Variants in CACNA2D2 observed in about 807,000 individuals in gnomAD.
CACNA2D2 encodes voltage-dependent calcium channel subunit alpha-2/delta-2.
Under a neutral mutation model 166.4 loss-of-function variants are expected in CACNA2D2, and 48 were observed. The ratio of observed to expected loss-of-function variants is 0.29; its 90% CI spans 0.23 to 0.37. The LOEUF is 0.37. CACNA2D2 is among the 10% of genes least tolerant of loss of function. The pLI is 1.00. For synonymous variants in CACNA2D2, 561 were observed against 573.7 expected (o/e 0.98, Z 0.32); for missense variants, 1,122 against 1,433.0 (o/e 0.78, Z 3.50).
At chr3:50,478,872 T>C (rs1697917173) in intron 1 of CACNA2D2, among the ~76,000 whole-genome samples, 2 of 152,184 alleles carry the variant, frequency 1.3e-5, no homozygotes, top group Non-Finnish European at 2.9e-5. Flanking sequence ...ACCATGTTTT[T>C]CCCCCTGGAG....
At chr3:50,470,876 C>T (rs1019979165) in intron 2 of CACNA2D2, among the ~76,000 whole-genome samples, 9 of 152,144 alleles carry the variant, frequency 5.9e-5, no homozygotes, top group South Asian at 4.1e-4. Flanking sequence ...GGCCTCACCA[C>T]GTCTCAGACG....
rs1425363611 is a variant in CACNA2D2 at position 50,366,189 on chromosome 3, G to A, written c.2710-26C>T. 1 of 1,613,816 alleles carries A rather than the reference G, an allele frequency of 6.2e-7. No individual in the cohort carries two copies. Among genetic ancestry groups the A allele is most frequent in the Non-Finnish European group, 8.5e-7 (1 of 1,179,930 alleles). Reference sequence around the variant, plus strand: ...CTGAGGATGTCAGGAGAAAGCCATGGTCACAGGGCTGGCAGTGCTACACCC... The same window carrying A: ...CTGAGGATGTCAGGAGAAAGCCATGATCACAGGGCTGGCAGTGCTACACCC... On this transcript the variant is annotated intron_variant, in intron 31 of 37. Transcript: ENST00000424201. This position sits in a 1 kb window ranked among gnomAD's most constrained non-coding sequence, Gnocchi z 5.9.
intron 2 of CACNA2D2, among the ~76,000 whole-genome samples, chr3:50,460,968 T>C (rs998722189): frequency 2.6e-5 from 4 of 151,760 alleles, no homozygotes; most frequent in Non-Finnish European, 5.9e-5. Flanking sequence ...AAATGGAATA[T>C]TGGAGACAAA....
At chr3:50,446,346 T>C (rs1708847230) in intron 2 of CACNA2D2, among the ~76,000 whole-genome samples, 1 of 152,240 alleles carries the variant, frequency 6.6e-6, no homozygotes, top group African/African-American at 2.4e-5. Context: ...CAGATGTCCT[T>C]ATTTTACAGA....
At chr3:50,454,931 A>G (rs1709282271) in intron 2 of CACNA2D2, among the ~76,000 whole-genome samples, 1 of 152,122 alleles carries the variant, frequency 6.6e-6, no homozygotes, top group African/African-American at 2.4e-5. Flanking sequence ...CAGGATCTGG[A>G]TGGCGCCCCC....
intron 2 of CACNA2D2, among the ~76,000 whole-genome samples, chr3:50,473,277 A>G (rs1424347959): frequency 6.6e-6 from 1 of 152,220 alleles, no homozygotes; most frequent in East Asian, 1.9e-4. Context: ...CAGGAGGAGG[A>G]AAGTGCCAAG....
intron 1 of CACNA2D2, among the ~76,000 whole-genome samples, chr3:50,499,441 G>A (rs1575791022): frequency 6.6e-6 from 1 of 152,204 alleles, no homozygotes; most frequent in African/African-American, 2.4e-5. Context: ...ACTAGAGGCG[G>A]CATCCTCTCC....
chr3:50,434,271 C>T (rs756268373), intron 3 of CACNA2D2, 42 bp downstream of exon 3: 1 of 1,408,180 alleles, frequency 7.1e-7, no homozygotes, highest in Non-Finnish European at 1.0e-6. Context: ...CCACCTGGCC[C>T]TCCCTCAGTG....
intron 1 of CACNA2D2, among the ~76,000 whole-genome samples, chr3:50,487,433 C>G (rs1382512526): frequency 6.6e-6 from 1 of 152,208 alleles, no homozygotes; most frequent in Non-Finnish European, 1.5e-5. Context: ...GGAGCCTGAG[C>G]CAGGTATGGG....
At chr3:50,452,181 G>C (rs940411243) in intron 2 of CACNA2D2, among the ~76,000 whole-genome samples, 16 of 152,238 alleles carry the variant, frequency 1.1e-4, no homozygotes, top group African/African-American at 3.9e-4. Context: ...AATGGGGACA[G>C]CTCTGATGGG....
At chr3:50,484,814 G>A (rs1232423956) in intron 1 of CACNA2D2, among the ~76,000 whole-genome samples, 1 of 152,228 alleles carries the variant, frequency 6.6e-6, no homozygotes, top group African/African-American at 2.4e-5. Context: ...TGGAAGAACA[G>A]GCCATTTGCT....
In CACNA2D2 at chr3:50,379,073, T is replaced by C; in HGVS notation, c.1260+19A>G. On this transcript the variant is annotated intron_variant, in intron 12 of 37. Coordinates refer to ENST00000424201, the MANE Select transcript of CACNA2D2 (RefSeq NM_006030.4). This position sits in a 1 kb window ranked among gnomAD's most constrained non-coding sequence, Gnocchi z 6.5. ...ACTGGGCCCAGGTCAGGGTAGCCCC[T>C]GCCTCGGTTGAGCCTCACCGTCCGG... The C allele has an allele frequency of 6.2e-7, 1 of 1,613,458 alleles. No individual in the cohort carries two copies. The highest frequency in any genetic ancestry group is 1.1e-5 in the South Asian group (1 of 91,070).
intron 3 of CACNA2D2, among the ~76,000 whole-genome samples, chr3:50,399,618 C>A (rs1049081130): frequency 6.6e-6 from 1 of 152,142 alleles, no homozygotes; most frequent in African/African-American, 2.4e-5. Flanking sequence ...GCAAGACTCA[C>A]GAGAAGTAGA....
At chr3:50,413,849 A>AAAAAAAATAAAT (rs1707145693) in intron 3 of CACNA2D2, among the ~76,000 whole-genome samples, 1 of 151,278 alleles carries the variant, frequency 6.6e-6, no homozygotes, top group African/African-American at 2.4e-5. Flanking sequence ...TCCGTCTCAA[A>AAAAAAAATAAAT]AAATAAATAA....
At position 50,378,435 on chromosome 3, in the gene CACNA2D2, T is replaced by C. The variant is rs1705107543; in HGVS notation, c.1340-102A>G. The C allele has an allele frequency of 5.1e-6, 6 of 1,182,434 alleles. No homozygotes were observed. In the Admixed American group the frequency reaches 1.2e-4, roughly 24 times the overall value. 73.2% of individuals were successfully genotyped at this position (1,182,434 alleles called of 1,614,324 possible). On this transcript the variant is annotated intron_variant, in intron 13 of 37. Coordinates refer to ENST00000424201, the MANE Select transcript of CACNA2D2 (RefSeq NM_006030.4). The stretch of plus-strand genomic sequence containing the variant: ...TGTGTCTGCAGCCCTGCCTCGCCTC[T>C]TGGGCTCCTCTCTTTTTGGGGTCCT...
chr3:50,367,969 C>A lies in CACNA2D2; in HGVS notation c.2144-67G>T. Reference sequence around the variant, plus strand: ...GCAGCTCCTTGCCCACCCTCACCCCCACCCTTAAGGCTCCACCAGGAGCCT... The same window carrying A: ...GCAGCTCCTTGCCCACCCTCACCCCAACCCTTAAGGCTCCACCAGGAGCCT... On this transcript the variant is annotated intron_variant, in intron 24 of 37. Coordinates refer to ENST00000424201, the MANE Select transcript of CACNA2D2 (RefSeq NM_006030.4). The surrounding 1 kb of genome is among the most constrained non-coding windows in gnomAD (Gnocchi z 6.5). 1.5e-6 allele frequency: 2 copies of A among 1,297,812 alleles called. No individual in the cohort carries two copies. Among genetic ancestry groups the A allele is most frequent in the South Asian group, 1.2e-5 (1 of 81,964 alleles). 80.4% of individuals were successfully genotyped at this position (1,297,812 alleles called of 1,614,324 possible).
intron 1 of CACNA2D2, among the ~76,000 whole-genome samples, chr3:50,487,284 C>T (rs939408486): frequency 3.9e-5 from 6 of 152,234 alleles, no homozygotes; most frequent in African/African-American, 1.4e-4. Context: ...GGGGCTACCT[C>T]AGGAACTCAC....
At chr3:50,448,632 A>G (rs1163860233) in intron 2 of CACNA2D2, among the ~76,000 whole-genome samples, 1 of 152,126 alleles carries the variant, frequency 6.6e-6, no homozygotes, top group African/African-American at 2.4e-5. Flanking sequence ...AGTAAGGTGC[A>G]TGTGTTCCTG....
At chr3:50,446,119 A>G (rs1354707120) in intron 2 of CACNA2D2, among the ~76,000 whole-genome samples, 2 of 152,218 alleles carry the variant, frequency 1.3e-5, no homozygotes, top group Admixed American at 1.3e-4. Flanking sequence ...AACAGCCATG[A>G]ACTTCTAAGT....
Sources: gnomAD v4.1 joint callset for allele counts (sites outside exome capture counted in the v4.1 genomes callset) on GRCh38, gnomAD v4.1.1 for gene constraint, Gnocchi (gnomAD v3.1) non-coding constraint, MANE v1.5 for transcripts, NCBI Gene and HGNC (gene_info 2026-07-23, HGNC 2026-07-21) for gene names.